The following SIK3 variants were observed in gnomAD, a reference collection of about 807,000 sequenced individuals.
SIK3 encodes serine/threonine-protein kinase SIK3.
Under a neutral mutation model 144.2 loss-of-function variants are expected in SIK3, and 28 were observed. That is an observed-to-expected ratio of 0.19 (90% confidence interval 0.14 to 0.27). SIK3 has a LOEUF of 0.27. Among genes scored for constraint, SIK3 ranks in the 10% least tolerant of loss-of-function variants. The pLI, the probability that SIK3 is intolerant of heterozygous loss-of-function variation, is 1.00. For missense variants in SIK3, 1,319 were observed against 1,776.0 expected, an observed-to-expected ratio of 0.74 and a Z score of 4.62; for synonymous variants, 686 against 676.3, an observed-to-expected ratio of 1.01 and a Z score of -0.22.
At position 116,966,892 on chromosome 11, in the gene SIK3, C is replaced by G. The variant is rs142439651; in HGVS notation, c.274-9828G>C. On this transcript the variant is annotated intron_variant, in intron 1 of 24. Coordinates refer to ENST00000445177, the MANE Select transcript of SIK3 (RefSeq NM_001366686.3). ...TGGTGGCGTGGGCCTGTAGCCCCAG[C>G]TACTTGGGAGGCTGAGGCAGGGGAA... Among the ~76,000 whole-genome samples the G allele has an allele frequency of 5.6e-3, 850 of 150,814 alleles. 5 individuals are homozygous for G. Among genetic ancestry groups the G allele is most frequent in the Non-Finnish European group, 0.01 (685 of 67,764 alleles).
intron 1 of SIK3, among the ~76,000 whole-genome samples, chr11:117,065,984 T>C (rs1478710928): frequency 6.6e-6 from 1 of 152,090 alleles, no homozygotes; most frequent in Non-Finnish European, 1.5e-5. Flanking sequence ...TCTTTATTTA[T>C]TTTTACTCCT....
chr11:117,085,294 T>G (rs1032178399), intron 1 of SIK3, among the ~76,000 whole-genome samples: 2 of 152,070 alleles, frequency 1.3e-5, no homozygotes, highest in South Asian at 4.1e-4. Flanking sequence ...CTTATTTTTA[T>G]TTTTTGGTAG....
intron 12 of SIK3, 90 bp downstream of exon 12, chr11:116,873,813 C>T: frequency 2.0e-6 from 3 of 1,511,366 alleles, no homozygotes; most frequent in Non-Finnish European, 2.7e-6. Context: ...ATAAGTAAAC[C>T]CTTAAGTCCT....
intron 1 of SIK3, among the ~76,000 whole-genome samples, chr11:117,066,225 T>C (rs1377731602): frequency 6.6e-6 from 1 of 151,794 alleles, no homozygotes; most frequent in African/African-American, 2.4e-5. Flanking sequence ...CACGCCACCA[T>C]GTCTGGCTAA....
At chr11:116,892,265 A>G (rs1041489210) in intron 6 of SIK3, among the ~76,000 whole-genome samples, 8 of 152,194 alleles carry the variant, frequency 5.3e-5, no homozygotes, top group Admixed American at 3.3e-4. Flanking sequence ...AGTCTGGTAG[A>G]GAAGATGGAG....
chr11:117,058,057 A>C (rs1013314434), intron 1 of SIK3, among the ~76,000 whole-genome samples: 1 of 152,194 alleles, frequency 6.6e-6, no homozygotes, highest in South Asian at 2.1e-4. Flanking sequence ...AGATAAATAC[A>C]AATTAAACAT....
intron 1 of SIK3, among the ~76,000 whole-genome samples, chr11:116,977,002 T>TA (rs1234388508): frequency 1.3e-4 from 20 of 152,138 alleles, no homozygotes; most frequent in Admixed American, 6.5e-5. Flanking sequence ...TATTTCTTTT[T>TA]AAAAAGGGCT....
At chr11:117,078,194 T>C (rs912500916) in intron 1 of SIK3, among the ~76,000 whole-genome samples, 3 of 152,000 alleles carry the variant, frequency 2.0e-5, no homozygotes, top group Non-Finnish European at 4.4e-5. Flanking sequence ...TTACAGAAAA[T>C]CCCAAGAGAA....
chr11:116,864,863 A>G (rs1459489040), intron 15 of SIK3: 1 of 152,256 alleles, frequency 6.6e-6, no homozygotes, highest in Non-Finnish European at 1.5e-5. Context: ...GAGTTCAAAT[A>G]CAATGCAGAC....
At chr11:116,954,870 C>T (rs1193811904) in intron 2 of SIK3, among the ~76,000 whole-genome samples, 6 of 152,148 alleles carry the variant, frequency 3.9e-5, no homozygotes, top group African/African-American at 1.4e-4. Context: ...CTGTTCTCTG[C>T]TTATTGTATA....
chr11:117,080,031 C>T (rs1436169453), intron 1 of SIK3, among the ~76,000 whole-genome samples: 2 of 152,068 alleles, frequency 1.3e-5, no homozygotes, highest in South Asian at 4.1e-4. Flanking sequence ...GAGACTCCAA[C>T]TCAATTTTTT....
chr11:116,933,332 G>T (rs1422376806), intron 3 of SIK3, among the ~76,000 whole-genome samples: 1 of 151,930 alleles, frequency 6.6e-6, no homozygotes, highest in Non-Finnish European at 1.5e-5. Flanking sequence ...GTAGAGACAG[G>T]GTTTCACCAT....
At chr11:117,082,347 T>G (rs1333114184) in intron 1 of SIK3, among the ~76,000 whole-genome samples, 1 of 147,792 alleles carries the variant, frequency 6.8e-6, no homozygotes, top group African/African-American at 2.6e-5. Flanking sequence ...CAAGACCATA[T>G]TATTCATAAT....
chr11:116,978,141 C>T (rs509171), intron 1 of SIK3, among the ~76,000 whole-genome samples: 56,416 of 151,638 alleles, frequency 0.37, 12,829 homozygotes, highest in African/African-American at 0.65. Flanking sequence ...TTGCTTGAAC[C>T]GGGGAGGCGG....
intron 4 of SIK3, among the ~76,000 whole-genome samples, chr11:116,912,386 T>C (rs1191065587): frequency 2.0e-5 from 3 of 152,234 alleles, no homozygotes; most frequent in Non-Finnish European, 4.4e-5. Flanking sequence ...CATTAATTTA[T>C]AAATCAGGGC....
intron 1 of SIK3, among the ~76,000 whole-genome samples, chr11:116,959,976 C>T (rs1298743270): frequency 6.6e-6 from 1 of 152,096 alleles, no homozygotes; most frequent in Non-Finnish European, 1.5e-5. Context: ...TAATGGATAT[C>T]CTAATTACCC....
At chr11:116,896,764 G>A (rs1027903587) in intron 5 of SIK3, among the ~76,000 whole-genome samples, 4 of 152,218 alleles carry the variant, frequency 2.6e-5, no homozygotes, top group Non-Finnish European at 5.9e-5. Context: ...AGTGGCTCAT[G>A]CCTATAATCC....
chr11:116,890,600 A>G (rs1252692144), intron 6 of SIK3, among the ~76,000 whole-genome samples: 9 of 152,266 alleles, frequency 5.9e-5, no homozygotes, highest in Non-Finnish European at 1.3e-4. Flanking sequence ...ACATACAATG[A>G]AAGAAGTAGT....
intron 1 of SIK3, among the ~76,000 whole-genome samples, chr11:116,991,948 C>T (rs948683111): frequency 1.3e-5 from 2 of 152,042 alleles, no homozygotes; most frequent in Admixed American, 1.3e-4. Flanking sequence ...ACATATACAC[C>T]CATACACGTA....
Sources: allele counts gnomAD v4.1 joint callset (sites outside exome capture counted in the v4.1 genomes callset), GRCh38; gene constraint gnomAD v4.1.1; transcripts MANE v1.5; gene names NCBI Gene and HGNC (gene_info 2026-07-23, HGNC 2026-07-21).